LDLRAD3: variants seen among roughly 807,000 people sequenced by gnomAD.
The protein encoded by LDLRAD3 is low density lipoprotein receptor class A domain containing 3.
In LDLRAD3, 20 loss-of-function variants were observed where a neutral mutation model predicts 29.4. The observed-to-expected ratio is 0.68, with a 90% CI of 0.48 to 0.99. The LOEUF (loss-of-function observed/expected upper bound fraction) is 0.99, where lower values mean the gene tolerates loss of function less well. Ranked by LOEUF, LDLRAD3 falls within the 50% of genes least tolerant of loss-of-function variation. The pLI, the probability that LDLRAD3 is intolerant of heterozygous loss-of-function variation, is 0.00. For missense variants in LDLRAD3, 420 were observed against 454.3 expected (o/e 0.92, Z 0.69); for synonymous variants, 157 against 192.7 (o/e 0.81, Z 1.53).
At chr11:36,154,334 C>T (rs1854317670) in intron 4 of LDLRAD3, among the ~76,000 whole-genome samples, 1 of 152,102 alleles carries the variant, frequency 6.6e-6, no homozygotes. Context: ...AAATGGTGAC[C>T]CACTGTTAGT....
intron 3 of LDLRAD3, among the ~76,000 whole-genome samples, chr11:36,093,575 G>T (rs940291341): frequency 6.6e-6 from 1 of 152,120 alleles, no homozygotes; most frequent in Non-Finnish European, 1.5e-5. Flanking sequence ...TGCCAGTCAG[G>T]TACCTCCACA....
At chr11:35,947,539 T>G (rs1851073425) in intron 1 of LDLRAD3, among the ~76,000 whole-genome samples, 1 of 151,994 alleles carries the variant, frequency 6.6e-6, no homozygotes. Context: ...CTTTACAACC[T>G]TGCCTGTTTC....
intron 1 of LDLRAD3, among the ~76,000 whole-genome samples, chr11:35,954,388 A>G (rs1287968333): frequency 1.3e-5 from 2 of 152,200 alleles, no homozygotes; most frequent in Non-Finnish European, 2.9e-5. Context: ...CTGTGTGACT[A>G]AAGCTCCATG....
chr11:35,974,230 T>G (rs74861601), intron 1 of LDLRAD3, among the ~76,000 whole-genome samples: 4,696 of 152,302 alleles, frequency 0.031, 271 homozygotes, highest in African/African-American at 0.11. Context: ...TCTTTTGATG[T>G]ATTTTTCTAT....
rs72931852 is a variant in LDLRAD3, at chr11:36,121,443, A to G, written c.454+22982A>G. On this transcript the variant is annotated intron_variant, in intron 4 of 5. Coordinates refer to ENST00000315571, the MANE Select transcript of LDLRAD3 (RefSeq NM_174902.4). The stretch of plus-strand genomic sequence containing the variant: ...GCCTGTGGAACAGTCTGAGGAAAGT[A>G]TGGAAATGCCATCATGTAAGCACGT... Among the ~76,000 whole-genome samples the G allele has an allele frequency of 8.8e-3, 1,337 of 152,186 alleles. 15 individuals are homozygous for G. The highest frequency in any genetic ancestry group is 0.016 in the Admixed American group (249 of 15,276).
chr11:36,081,547 G>A, intron 2 of LDLRAD3, 106 bp from the exon 3 acceptor site: 2 of 1,455,094 alleles, frequency 1.4e-6, no homozygotes, highest in Non-Finnish European at 9.5e-7. Flanking sequence ...AGGACTTTAA[G>A]ATGAATCTTA....
rs144081945 is a variant in LDLRAD3, at chr11:36,218,937, C to T, written c.455-8148C>T. Among the ~76,000 whole-genome samples, 214 of 152,324 alleles carry T rather than the reference C, an allele frequency of 1.4e-3. 1 individual carries two copies. Among genetic ancestry groups the T allele is most frequent in the Middle Eastern group, 0.01 (3 of 294 alleles). ...TGTGGGAGCCAAGGAAAGATGCCCA[C>T]ATGCTGAAGTATCCATATAACATGA... On this transcript the variant is annotated intron_variant, in intron 4 of 5. Coordinates refer to ENST00000315571, the MANE Select transcript of LDLRAD3 (RefSeq NM_174902.4).
chr11:35,964,636 T>C (rs1416365561), intron 1 of LDLRAD3, among the ~76,000 whole-genome samples: 4 of 152,144 alleles, frequency 2.6e-5, no homozygotes, highest in Non-Finnish European at 5.9e-5. Flanking sequence ...GGCCCAGATT[T>C]GGACACCATT....
intron 1 of LDLRAD3, among the ~76,000 whole-genome samples, chr11:35,986,965 C>T (rs149547234): frequency 5.3e-5 from 8 of 152,344 alleles, no homozygotes; most frequent in African/African-American, 1.9e-4. Flanking sequence ...ATCTCTCACA[C>T]CGGGCTGTCT....
At position 36,108,346 on chromosome 11, in the gene LDLRAD3, A is replaced by G. The variant is rs201409963; in HGVS notation, c.454+9885A>G. Among the ~76,000 whole-genome samples, 4 of 145,838 alleles carry G rather than the reference A, an allele frequency of 2.7e-5. No individual in the cohort carries two copies. In the East Asian group the frequency reaches 8.4e-4, roughly 31 times the overall value. On this transcript the variant is annotated intron_variant, in intron 4 of 5. Transcript: ENST00000315571. ...AAAAAAAAAAAAAAAAAAAAAAAAA[A>G]AAGATGCATTCCAGTTTCAGAATGT...
At chr11:36,062,835 C>T (rs183959883) in intron 2 of LDLRAD3, among the ~76,000 whole-genome samples, 66 of 152,322 alleles carry the variant, frequency 4.3e-4, no homozygotes, top group Non-Finnish European at 6.9e-4. Context: ...GTCAATTAAA[C>T]CTCTTTCCTT....
chr11:36,143,486 C>T (rs1044652243), intron 4 of LDLRAD3, among the ~76,000 whole-genome samples: 32 of 152,334 alleles, frequency 2.1e-4, no homozygotes, highest in African/African-American at 7.5e-4. Context: ...GAAATAACCT[C>T]ATTGGGCAGG....
chr11:35,986,463 T>A (rs1037852843), intron 1 of LDLRAD3, among the ~76,000 whole-genome samples: 1 of 152,206 alleles, frequency 6.6e-6, no homozygotes, highest in Non-Finnish European at 1.5e-5. Context: ...TAAGGACATG[T>A]GTTAGATAAT....
At chr11:36,132,482 A>G (rs1397168200) in intron 4 of LDLRAD3, among the ~76,000 whole-genome samples, 1 of 152,194 alleles carries the variant, frequency 6.6e-6, no homozygotes, top group Non-Finnish European at 1.5e-5. Context: ...AATTTGTTAA[A>G]TCACACAACA....
chr11:36,036,907 A>G (rs1006266669), intron 2 of LDLRAD3, among the ~76,000 whole-genome samples: 2 of 152,134 alleles, frequency 1.3e-5, no homozygotes, highest in South Asian at 4.1e-4. Context: ...ACGCCGAAAC[A>G]TGCATGAGAT....
chr11:36,119,843 A>G (rs1028910416), intron 4 of LDLRAD3, among the ~76,000 whole-genome samples: 4 of 152,080 alleles, frequency 2.6e-5, no homozygotes, highest in African/African-American at 9.7e-5. Context: ...ATGAGGTCCA[A>G]CTCATCTATT....
chr11:36,199,566 TACACACAC>T (rs57161243), intron 4 of LDLRAD3, among the ~76,000 whole-genome samples: 7 of 149,988 alleles, frequency 4.7e-5, no homozygotes, highest in Non-Finnish European at 5.9e-5. Context: ...GCTGTGGTTC[TACACACAC>T]ACACACACAC....
intron 4 of LDLRAD3, among the ~76,000 whole-genome samples, chr11:36,201,064 A>G (rs1435712690): frequency 6.6e-6 from 1 of 152,206 alleles, no homozygotes; most frequent in Non-Finnish European, 1.5e-5. Flanking sequence ...AGTTTCTTGC[A>G]TGCCAGATTG....
chr11:36,222,491 C>G (rs908304179), intron 4 of LDLRAD3, among the ~76,000 whole-genome samples: 2 of 152,162 alleles, frequency 1.3e-5, no homozygotes, highest in African/African-American at 4.8e-5. Flanking sequence ...TGCATATATA[C>G]CAGGCACGAA....
Sources: allele counts gnomAD v4.1 joint callset (sites outside exome capture counted in the v4.1 genomes callset), GRCh38; gene constraint gnomAD v4.1.1; transcripts MANE v1.5; gene names NCBI Gene and HGNC (gene_info 2026-07-23, HGNC 2026-07-21).